Variants in BEAN1 observed in about 807,000 individuals in gnomAD.
BEAN1 encodes the protein brain expressed associated with NEDD4 1.
Under a neutral mutation model 17.7 loss-of-function variants are expected in BEAN1, and 17 were observed. The observed-to-expected ratio is 0.96, with a 90% CI of 0.66 to 1.44. The LOEUF is 1.44. Among genes scored for constraint, BEAN1 ranks in the 40% most tolerant of loss-of-function variants. The pLI, the probability that BEAN1 is intolerant of heterozygous loss-of-function variation, is 0.00. For synonymous variants in BEAN1, 142 were observed against 151.8 expected, an observed-to-expected ratio of 0.94 and a Z score of 0.47; for missense variants, 359 against 374.1, an observed-to-expected ratio of 0.96 and a Z score of 0.33.
rs1961628870 is a variant in BEAN1 at position 66,427,595 on chromosome 16, C to T, written c.-83+164C>T. ...GGATGCGCGGTCCGGAACGGAACCG[C>T]AGCGCGCTCGGAACGGAGCGGGATC... On this transcript the variant is annotated intron_variant, in intron 1 of 4. Transcript: ENST00000536005. The surrounding 1 kb of genome is among the most constrained non-coding windows in gnomAD (Gnocchi z 4.7). 6.6e-6 allele frequency: 1 copy of T among 151,984 alleles called. No individual in the cohort carries two copies. Among genetic ancestry groups the T allele is most frequent in the South Asian group, 2.1e-4 (1 of 4,828 alleles). 9.4% of individuals were successfully genotyped at this position (151,984 alleles called of 1,614,324 possible). A position where few individuals can be genotyped will look rare whatever the true frequency, so the allele number is the denominator to read the frequency against.
intron 1 of BEAN1, among the ~76,000 whole-genome samples, chr16:66,430,865 T>C (rs1046014439): frequency 6.6e-6 from 1 of 152,242 alleles, no homozygotes; most frequent in Non-Finnish European, 1.5e-5. Context: ...CCAGCACTTA[T>C]TGTGCCTTCC....
intron 1 of BEAN1, among the ~76,000 whole-genome samples, chr16:66,429,233 G>T (rs1053292806): frequency 2.2e-4 from 34 of 152,190 alleles, no homozygotes; most frequent in Non-Finnish European, 1.0e-4. Context: ...TTGATTCTTC[G>T]CAGACTATGA....
intron 2 of BEAN1, among the ~76,000 whole-genome samples, chr16:66,463,436 A>G (rs945712822): frequency 9.9e-5 from 15 of 152,130 alleles, no homozygotes; most frequent in African/African-American, 2.9e-4. Context: ...GGCCAATTGT[A>G]TCTTCTTTGG....
intron 2 of BEAN1, among the ~76,000 whole-genome samples, chr16:66,460,993 T>C (rs1963060350): frequency 6.6e-6 from 1 of 152,172 alleles, no homozygotes; most frequent in Middle Eastern, 3.2e-3. Flanking sequence ...TACAATACAG[T>C]AGGTGCTCAG....
intron 2 of BEAN1, among the ~76,000 whole-genome samples, chr16:66,444,639 C>T (rs1042063052): frequency 1.3e-5 from 2 of 152,194 alleles, no homozygotes; most frequent in African/African-American, 4.8e-5. Context: ...GTAACTGGAG[C>T]TGTGTTTTGG....
chr16:66,472,413 T>C (rs191434545), intron 3 of BEAN1, among the ~76,000 whole-genome samples: 134 of 152,350 alleles, frequency 8.8e-4, no homozygotes, highest in Non-Finnish European at 1.4e-3. Flanking sequence ...CTTTAAAGAC[T>C]AGGAAACTAG....
At chr16:66,461,033 G>T (rs930943321) in intron 2 of BEAN1, among the ~76,000 whole-genome samples, 13 of 152,150 alleles carry the variant, frequency 8.5e-5, no homozygotes, top group Non-Finnish European at 1.3e-4. Flanking sequence ...CTGGCATTGG[G>T]GGGGAGGTGG....
chr16:66,478,737 A>G (rs983186657), intron 4 of BEAN1, among the ~76,000 whole-genome samples: 2 of 152,232 alleles, frequency 1.3e-5, no homozygotes, highest in Non-Finnish European at 2.9e-5. Context: ...TTTCGAGGCC[A>G]CAGGTGATAA....
chr16:66,462,670 A>G (rs942273719), intron 2 of BEAN1, among the ~76,000 whole-genome samples: 2 of 152,148 alleles, frequency 1.3e-5, no homozygotes, highest in Admixed American at 1.3e-4. Flanking sequence ...GCATGGTGGT[A>G]CATGCCTATA....
At chr16:66,485,367 G>T, downstream of BEAN1, 1 of 348,032 alleles carries the variant, frequency 2.9e-6, no homozygotes. Flanking sequence ...ATACTCCAGT[G>T]CCACTGACAC....
chr16:66,488,029 G>A (rs1435641016), intron 4 of BEAN1, among the ~76,000 whole-genome samples: 1 of 152,202 alleles, frequency 6.6e-6, no homozygotes, highest in Non-Finnish European at 1.5e-5. Context: ...GCATGAGAGG[G>A]CAGGGAAGGG....
intron 2 of BEAN1, among the ~76,000 whole-genome samples, chr16:66,440,606 C>T (rs1251155548): frequency 6.6e-6 from 1 of 152,230 alleles, no homozygotes; most frequent in Non-Finnish European, 1.5e-5. Flanking sequence ...TGCTGGGCCC[C>T]CAGGGCTCCA....
At chr16:66,458,243 G>A (rs1962947269) in intron 2 of BEAN1, among the ~76,000 whole-genome samples, 1 of 152,138 alleles carries the variant, frequency 6.6e-6, no homozygotes, top group Non-Finnish European at 1.5e-5. Flanking sequence ...GCACTTCCCT[G>A]AACCCAGACA....
At position 66,477,723 on chromosome 16, in the gene BEAN1, C is replaced by A; in HGVS notation, c.440+13C>A. The A allele has an allele frequency of 1.3e-6, 2 of 1,536,214 alleles. No homozygotes were observed. The highest frequency in any genetic ancestry group is 2.8e-5 in the African/African-American group (2 of 72,604). ...ATTCTCCACCAGGGTAAGGAGGCCT[C>A]ATGGGGAAGGGGGCATCAGAGGATG... On this transcript the variant is annotated intron_variant, in intron 4 of 4. Coordinates refer to ENST00000536005, the MANE Select transcript of BEAN1 (RefSeq NM_001178020.3).
At chr16:66,442,707 A>G (rs927249764) in intron 2 of BEAN1, among the ~76,000 whole-genome samples, 1 of 152,224 alleles carries the variant, frequency 6.6e-6, no homozygotes, top group Non-Finnish European at 1.5e-5. Flanking sequence ...TAAAATGGGA[A>G]TAACAATAGC....
intron 4 of BEAN1, among the ~76,000 whole-genome samples, chr16:66,492,469 T>A (rs1964188599): frequency 6.6e-6 from 1 of 152,058 alleles, no homozygotes; most frequent in African/African-American, 2.4e-5. Context: ...AGATGGAGTC[T>A]CGCTGTGTGG....
chr16:66,467,537 C>G (rs1963300455), intron 2 of BEAN1, among the ~76,000 whole-genome samples: 1 of 152,226 alleles, frequency 6.6e-6, no homozygotes, highest in Non-Finnish European at 1.5e-5. Context: ...TTACCTCCAC[C>G]TGGTCCTGCC....
At chr16:66,494,846 T>A (rs1249465108), downstream of BEAN1, among the ~76,000 whole-genome samples, 1 of 152,220 alleles carries the variant, frequency 6.6e-6, no homozygotes, top group Non-Finnish European at 1.5e-5. Context: ...CATTCAGGTA[T>A]GGCACATGCA....
At chr16:66,455,657 T>C (rs910916384) in intron 2 of BEAN1, among the ~76,000 whole-genome samples, 2 of 151,706 alleles carry the variant, frequency 1.3e-5, no homozygotes, top group Admixed American at 1.3e-4. Flanking sequence ...TAGTGGACAA[T>C]ACCTGCAGCA....
Sources: allele counts gnomAD v4.1 joint callset (sites outside exome capture counted in the v4.1 genomes callset), GRCh38; gene constraint gnomAD v4.1.1; non-coding constraint Gnocchi (gnomAD v3.1); transcripts MANE v1.5; gene names NCBI Gene and HGNC (gene_info 2026-07-23, HGNC 2026-07-21).